SPECC1: variants seen among roughly 807,000 people sequenced by gnomAD.
SPECC1 encodes the protein cytospin-B.
A neutral mutation model predicts 104.1 loss-of-function variants in SPECC1; 62 were observed. The ratio of observed to expected loss-of-function variants is 0.60; its 90% confidence interval spans 0.49 to 0.74. The LOEUF is 0.74. Ranked by LOEUF, SPECC1 falls within the 30% of genes least tolerant of loss-of-function variation. The pLI is 0.00. For missense variants in SPECC1, 1,306 were observed against 1,310.5 expected (o/e 1.00, Z 0.05); for synonymous variants, 513 against 501.6 (o/e 1.02, Z -0.30).
At chr17:20,092,692 A>C (rs1320977287) in intron 1 of SPECC1, among the ~76,000 whole-genome samples, 1 of 152,196 alleles carries the variant, frequency 6.6e-6, no homozygotes, top group African/African-American at 2.4e-5. Context: ...TTTTGTCGAG[A>C]GGGCGGCTCA....
At chr17:20,184,640 GA>G (rs2035136349) in intron 3 of SPECC1, among the ~76,000 whole-genome samples, 1 of 152,150 alleles carries the variant, frequency 6.6e-6, no homozygotes, top group African/African-American at 2.4e-5. Context: ...AATATTTGTA[GA>G]AACAGGACCT....
intron 1 of SPECC1, among the ~76,000 whole-genome samples, chr17:20,093,026 G>A (rs2047472915): frequency 6.6e-6 from 1 of 152,178 alleles, no homozygotes; most frequent in Non-Finnish European, 1.5e-5. Flanking sequence ...TGAGATTTGG[G>A]CAAGTTGCTT....
intron 1 of SPECC1, among the ~76,000 whole-genome samples, chr17:20,053,002 G>A (rs2045832259): frequency 6.6e-6 from 1 of 152,118 alleles, no homozygotes; most frequent in South Asian, 2.1e-4. Flanking sequence ...ACAAAGAAGT[G>A]TCCCTCTCTT....
chr17:20,073,281 C>T (rs572411776), intron 1 of SPECC1, among the ~76,000 whole-genome samples: 7 of 152,052 alleles, frequency 4.6e-5, no homozygotes, highest in African/African-American at 1.7e-4. Context: ...AGGGTAAATC[C>T]ATTTGTGAAG....
At chr17:20,070,562 C>G (rs1172386047) in intron 1 of SPECC1, among the ~76,000 whole-genome samples, 4 of 152,110 alleles carry the variant, frequency 2.6e-5, no homozygotes, top group Non-Finnish European at 5.9e-5. Context: ...TATATGACAT[C>G]TATTATCACT....
chr17:20,128,996 G>C (rs1308085258), intron 3 of SPECC1, among the ~76,000 whole-genome samples: 1 of 151,498 alleles, frequency 6.6e-6, no homozygotes, highest in Non-Finnish European at 1.5e-5. Flanking sequence ...GGCCTCAAAC[G>C]ATCCTCCTGC....
intron 3 of SPECC1, among the ~76,000 whole-genome samples, chr17:20,127,504 G>A (rs745605706): frequency 6.8e-5 from 10 of 146,554 alleles, no homozygotes; most frequent in African/African-American, 2.3e-4. Context: ...GTGTAGTGGC[G>A]TGACCATAGC....
At chr17:20,114,301 C>T (rs2048644036) in intron 3 of SPECC1, among the ~76,000 whole-genome samples, 1 of 152,086 alleles carries the variant, frequency 6.6e-6, no homozygotes, top group Non-Finnish European at 1.5e-5. Context: ...AAGCGATTCT[C>T]CTGCCTCAGC....
chr17:20,292,180 G>GCCCTT (rs1178539316), intron 12 of SPECC1, among the ~76,000 whole-genome samples: 2 of 152,012 alleles, frequency 1.3e-5, no homozygotes, highest in Non-Finnish European at 2.9e-5. Flanking sequence ...AGTGCTCTCT[G>GCCCTT]CCCTTCCCAA....
At chr17:20,134,894 T>C (rs1448561294) in intron 3 of SPECC1, among the ~76,000 whole-genome samples, 1 of 152,240 alleles carries the variant, frequency 6.6e-6, no homozygotes. Flanking sequence ...ACAAGTTTTA[T>C]GTTCCAGAAG....
chr17:20,211,005 C>T (rs2037111597), intron 4 of SPECC1, among the ~76,000 whole-genome samples: 1 of 152,198 alleles, frequency 6.6e-6, no homozygotes, highest in South Asian at 2.1e-4. Flanking sequence ...TTCAGCTCTG[C>T]GGGGCCCTGT....
chr17:20,016,289 A>AAGTGAGAGGTGAC (rs2044123308), intron 1 of SPECC1, among the ~76,000 whole-genome samples: 2 of 151,768 alleles, frequency 1.3e-5, no homozygotes, highest in Admixed American at 1.3e-4. Flanking sequence ...GCATAAATGA[A>AAGTGAGAGGTGAC]AGTGAGAGGT....
intron 1 of SPECC1, among the ~76,000 whole-genome samples, chr17:20,028,760 A>ATTT (rs71157855): frequency 7.8e-6 from 1 of 128,294 alleles, no homozygotes; most frequent in Non-Finnish European, 1.7e-5. Context: ...GTCATCTGGG[A>ATTT]TTTTTTTTTT....
chr17:20,062,982 C>A (rs1243146910), intron 1 of SPECC1, among the ~76,000 whole-genome samples: 1 of 152,074 alleles, frequency 6.6e-6, no homozygotes, highest in Non-Finnish European at 1.5e-5. Context: ...GCCACCGTGC[C>A]CAGCCAAGAA....
At chr17:20,112,755 G>A in intron 3 of SPECC1, 1 of 1,246,886 alleles carries the variant, frequency 8.0e-7, no homozygotes, top group Non-Finnish European at 1.2e-6. Context: ...AACCTGAAAG[G>A]TGTGGATATG....
In SPECC1 at chr17:20,318,877, C is replaced by T. The variant is rs1459723352; in HGVS notation, c.*4812C>T. The T allele has an allele frequency of 5.1e-6, 1 of 196,698 alleles. No homozygotes were observed. Among genetic ancestry groups the T allele is most frequent in the African/African-American group, 2.3e-5 (1 of 42,982 alleles). The allele number at this position is 196,698 out of a possible 1,614,324, so 12.2% of individuals were successfully genotyped here. On this transcript the variant is annotated 3_prime_UTR_variant, in exon 15 of 15. Coordinates refer to ENST00000395527, the MANE Select transcript of SPECC1 (RefSeq NM_001243439.2). ...CTACATTAGTTGAGTGTAGTTGATA[C>T]ATCTGTGGCCTCGTGTCTATAAAGA... is the stretch of plus-strand genomic sequence containing the variant.
chr17:20,287,950 C>T (rs2041014437), intron 12 of SPECC1, among the ~76,000 whole-genome samples: 1 of 151,908 alleles, frequency 6.6e-6, no homozygotes, highest in Non-Finnish European at 1.5e-5. Flanking sequence ...GATGCTCTCC[C>T]TCCCCCACCC....
At chr17:20,143,607 C>T (rs1416103589) in intron 3 of SPECC1, among the ~76,000 whole-genome samples, 2 of 151,812 alleles carry the variant, frequency 1.3e-5, no homozygotes, top group African/African-American at 2.4e-5. Context: ...TGGCTTGAAC[C>T]TGGGAGGCGG....
At chr17:20,107,012 C>T (rs12948178) in intron 2 of SPECC1, among the ~76,000 whole-genome samples, 36,283 of 150,836 alleles carry the variant, frequency 0.24, 5,563 homozygotes, top group Middle Eastern at 0.35. Flanking sequence ...CAAAAATCAG[C>T]CAGGTGTGGA....
Sources: gnomAD v4.1 joint callset for allele counts (sites outside exome capture counted in the v4.1 genomes callset) on GRCh38, gnomAD v4.1.1 for gene constraint, MANE v1.5 for transcripts, NCBI Gene and HGNC (gene_info 2026-07-23, HGNC 2026-07-21) for gene names.